The following SNTG2 variants were observed in gnomAD, a reference collection of about 807,000 sequenced individuals.
SNTG2 encodes syntrophin gamma 2.
A neutral mutation model predicts 70.9 loss-of-function variants in SNTG2; 74 were observed. The observed-to-expected ratio is 1.04, with a 90% CI of 0.86 to 1.27. The LOEUF (loss-of-function observed/expected upper bound fraction) is 1.27. Ranked by LOEUF, SNTG2 falls within the 50% of genes most tolerant of loss-of-function variation. SNTG2 has a pLI of 0.00. For missense variants in SNTG2, 717 were observed against 690.7 expected (o/e 1.04, Z -0.43); for synonymous variants, 278 against 273.8 (o/e 1.02, Z -0.15).
intron 1 of SNTG2, among the ~76,000 whole-genome samples, chr2:1,005,969 A>G (rs1020139395): frequency 1.3e-5 from 2 of 150,622 alleles, no homozygotes; most frequent in Non-Finnish European, 3.0e-5. Context: ...GAGGAAGCCA[A>G]GATAAATAAT....
intron 1 of SNTG2, among the ~76,000 whole-genome samples, chr2:1,071,483 A>G (rs1013433200): frequency 1.7e-5 from 2 of 119,960 alleles, no homozygotes; most frequent in Non-Finnish European, 3.3e-5. Context: ...GGGGAATATC[A>G]CACTCTGGGG....
chr2:986,518 G>A (rs1027859599), intron 1 of SNTG2, among the ~76,000 whole-genome samples: 2 of 152,200 alleles, frequency 1.3e-5, no homozygotes, highest in Non-Finnish European at 2.9e-5. Context: ...AGTTAAAAAG[G>A]GAAGATTTCA....
At chr2:1,264,152 A>C (rs528851736) in intron 13 of SNTG2, among the ~76,000 whole-genome samples, 1 of 152,380 alleles carries the variant, frequency 6.6e-6, no homozygotes, top group East Asian at 1.9e-4. Flanking sequence ...TCGTGAATTC[A>C]TACAATATAT....
At chr2:1,105,794 G>T (rs1558404455) in intron 4 of SNTG2, among the ~76,000 whole-genome samples, 1 of 152,080 alleles carries the variant, frequency 6.6e-6, no homozygotes, top group Admixed American at 6.5e-5. Flanking sequence ...TCACATCCTG[G>T]GTCCCACAGC....
chr2:1,143,474 G>A (rs1287999283), intron 6 of SNTG2, among the ~76,000 whole-genome samples: 1 of 151,950 alleles, frequency 6.6e-6, no homozygotes, highest in East Asian at 2.0e-4. Flanking sequence ...AATGGGAGCA[G>A]CTCCAGGAAT....
At chr2:1,105,755 G>C (rs560131427) in intron 4 of SNTG2, among the ~76,000 whole-genome samples, 3 of 152,116 alleles carry the variant, frequency 2.0e-5, no homozygotes, top group Non-Finnish European at 2.9e-5. Flanking sequence ...CGGAAAAGCC[G>C]AGGTGCAGGC....
Position 1,098,157 on chromosome 2 carries a change from T to G in SNTG2, c.211-39T>G. On this transcript the variant is annotated intron_variant, in intron 2 of 16. Coordinates refer to ENST00000308624, the MANE Select transcript of SNTG2 (RefSeq NM_018968.4). Reference sequence around the variant, plus strand: ...TGAATTCACTTTCTGATAGTGCATTTTAACCTAAACTTGGTTTGTTTTCTA... The same window carrying G: ...TGAATTCACTTTCTGATAGTGCATTGTAACCTAAACTTGGTTTGTTTTCTA... 6 of 1,606,314 alleles carry G rather than the reference T, an allele frequency of 3.7e-6. 1 individual carries two copies. In the South Asian group the frequency reaches 6.7e-5, roughly 18 times the overall value.
At chr2:1,365,856 A>C (rs1661449174) in intron 16 of SNTG2, among the ~76,000 whole-genome samples, 1 of 152,140 alleles carries the variant, frequency 6.6e-6, no homozygotes, top group African/African-American at 2.4e-5. Context: ...CACGTCTTTG[A>C]GTTATAAAGA....
At chr2:1,328,852 C>G (rs1240366341) in intron 16 of SNTG2, among the ~76,000 whole-genome samples, 3 of 151,970 alleles carry the variant, frequency 2.0e-5, no homozygotes, top group African/African-American at 7.2e-5. Flanking sequence ...CATACACACA[C>G]AGATGCATAC....
In SNTG2 at chr2:1,048,428, C is replaced by G. The variant is rs542962336; in HGVS notation, c.73-35090C>G. On this transcript the variant is annotated intron_variant, in intron 1 of 16. Transcript: ENST00000308624. The stretch of plus-strand genomic sequence containing the variant: ...ATAATTTTCCCTGATGCCAAACTCT[C>G]TCCATATATAGATAGATAGATATCT... Among the ~76,000 whole-genome samples the G allele has an allele frequency of 3.3e-4, 51 of 152,268 alleles. No individual in the cohort carries two copies. In the South Asian group the frequency reaches 9.4e-3, roughly 28 times the overall value.
intron 14 of SNTG2, among the ~76,000 whole-genome samples, chr2:1,293,157 C>CTTTTTTTTTTTTTTTTTTTTTCTTT (rs71400092): frequency 7.6e-6 from 1 of 130,988 alleles, no homozygotes; most frequent in African/African-American, 2.8e-5. Context: ...TACTCTGTTA[C>CTTTTTTTTTTTTTTTTTTTTTCTTT]TTTTTTTTTT....
intron 13 of SNTG2, among the ~76,000 whole-genome samples, chr2:1,264,377 G>C (rs1678611151): frequency 6.6e-6 from 1 of 152,232 alleles, no homozygotes; most frequent in Non-Finnish European, 1.5e-5. Flanking sequence ...GTAAATTGCA[G>C]AGCATGGTAA....
intron 6 of SNTG2, among the ~76,000 whole-genome samples, chr2:1,152,502 C>T (rs561447724): frequency 1.6e-4 from 24 of 152,156 alleles, no homozygotes; most frequent in Admixed American, 1.2e-3. Flanking sequence ...TGCGTATATT[C>T]GGTGTGTGTG....
Position 1,279,501 on chromosome 2 carries a change from G to A in SNTG2, c.1284+11930G>A, listed in dbSNP as rs560187678. 8.5e-5 allele frequency among the ~76,000 whole-genome samples: 13 copies of A among 152,316 alleles called. No individual in the cohort carries two copies. The East Asian group carries it at 1.9e-3, about 23-fold the overall frequency. On this transcript the variant is annotated intron_variant, in intron 14 of 16. Transcript: ENST00000308624. ...CGGAATGTAACCTCCTTGGAGGAGC[G>A]GGGGCTCCCGTACAGGAATTAAGGT...
At chr2:1,134,726 ACTC>A (rs1397329339) in intron 4 of SNTG2, among the ~76,000 whole-genome samples, 1 of 151,960 alleles carries the variant, frequency 6.6e-6, no homozygotes, top group South Asian at 2.1e-4. Flanking sequence ...CTGCGCCCGC[ACTC>A]CTCAGCCATT....
chr2:1,137,036 A>G (rs1041357481), intron 4 of SNTG2, among the ~76,000 whole-genome samples: 6 of 152,218 alleles, frequency 3.9e-5, no homozygotes, highest in African/African-American at 1.4e-4. Context: ...AGGAAGTGAC[A>G]TTCGTTTTCC....
intron 1 of SNTG2, among the ~76,000 whole-genome samples, chr2:1,018,612 G>A (rs1659988035): frequency 6.6e-6 from 1 of 152,186 alleles, no homozygotes; most frequent in South Asian, 2.1e-4. Flanking sequence ...GGAAGGAGCA[G>A]GAATGAGAGC....
At position 1,237,925 on chromosome 2, in the gene SNTG2, A is replaced by G. The variant is rs1338637279; in HGVS notation, c.757A>G (p.Ser253Gly). The change falls in exon 10 of 17, where the codon AGC becomes GGC. Residue 253 changes from serine (S) to glycine (G), a missense_variant. Physicochemically the swap from Ser to Gly is moderately conservative, Grantham distance 56. Coordinates refer to ENST00000308624, the MANE Select transcript of SNTG2 (RefSeq NM_018968.4). Reference sequence around the variant, plus strand: ...CGAGGTGCTCGCCCTGGACGGAGTCAGCTCTGGGATCCTCCGGTTTTACAC... The same window carrying G: ...CGAGGTGCTCGCCCTGGACGGAGTCGGCTCTGGGATCCTCCGGTTTTACAC... ...AFEVLALDGV[S>G]SGILRFYTAQ... 1 of 1,606,922 alleles carries G rather than the reference A, an allele frequency of 6.2e-7. No homozygotes were observed. Among genetic ancestry groups the G allele is most frequent in the Non-Finnish European group, 8.5e-7 (1 of 1,177,060 alleles).
At chr2:1,172,003 G>C (rs1671158843) in intron 7 of SNTG2, among the ~76,000 whole-genome samples, 1 of 152,154 alleles carries the variant, frequency 6.6e-6, no homozygotes, top group African/African-American at 2.4e-5. Context: ...GAAATAGACG[G>C]CACAACAGGG....
Sources: allele counts gnomAD v4.1 joint callset (sites outside exome capture counted in the v4.1 genomes callset), GRCh38; gene constraint gnomAD v4.1.1; transcripts MANE v1.5; gene names NCBI Gene and HGNC (gene_info 2026-07-23, HGNC 2026-07-21).